The following SUGCT variants were observed in gnomAD, a reference collection of about 807,000 sequenced individuals.
SUGCT encodes succinyl-CoA:glutarate CoA-transferase.
SUGCT carries 41 observed loss-of-function variants against 55.0 expected under a neutral mutation model. That is an observed-to-expected ratio of 0.74 (90% CI 0.58 to 0.97). The LOEUF (loss-of-function observed/expected upper bound fraction) is 0.97. Ranked by LOEUF, SUGCT falls within the 50% of genes least tolerant of loss-of-function variation. SUGCT has a pLI of 0.00. For synonymous variants in SUGCT, 187 were observed against 200.4 expected, an observed-to-expected ratio of 0.93 and a Z score of 0.56; for missense variants, 568 against 547.8, an observed-to-expected ratio of 1.04 and a Z score of -0.37.
chr7:40,619,596 T>A (rs1373683431), intron 12 of SUGCT, among the ~76,000 whole-genome samples: 1 of 152,330 alleles, frequency 6.6e-6, no homozygotes, highest in Non-Finnish European at 1.5e-5. Flanking sequence ...TTGTTTGGGA[T>A]TTTTTAATAT....
chr7:40,266,184 C>CTTTT (rs1562627615), intron 7 of SUGCT, among the ~76,000 whole-genome samples: 1 of 24,208 alleles, frequency 4.1e-5, no homozygotes, highest in African/African-American at 1.9e-4. Flanking sequence ...TCTTTCCTTT[C>CTTTT]CTTTTTTTTT....
intron 12 of SUGCT, among the ~76,000 whole-genome samples, chr7:40,599,369 A>G (rs888691116): frequency 3.3e-5 from 5 of 152,192 alleles, no homozygotes; most frequent in African/African-American, 9.7e-5. Context: ...GGGAGGGTAG[A>G]TGATAGCCAT....
intron 9 of SUGCT, among the ~76,000 whole-genome samples, chr7:40,328,745 G>T (rs1163891127): frequency 1.3e-5 from 2 of 151,892 alleles, no homozygotes; most frequent in African/African-American, 4.8e-5. Flanking sequence ...GTGTGTATGT[G>T]TGTGCATGTG....
chr7:40,197,873 T>G (rs1786376532), intron 6 of SUGCT, among the ~76,000 whole-genome samples: 2 of 152,242 alleles, frequency 1.3e-5, no homozygotes, highest in African/African-American at 4.8e-5. Flanking sequence ...AGCCCACACT[T>G]CCTAATGATT....
chr7:40,624,360 CAGTAAT>C (rs1799416712), intron 12 of SUGCT, among the ~76,000 whole-genome samples: 1 of 152,104 alleles, frequency 6.6e-6, no homozygotes, highest in South Asian at 2.1e-4. Flanking sequence ...ATTAAAGTAA[CAGTAAT>C]AGTTAACACT....
At chr7:40,766,101 A>C (rs1159182855) in intron 13 of SUGCT, among the ~76,000 whole-genome samples, 2 of 152,222 alleles carry the variant, frequency 1.3e-5, no homozygotes, top group Non-Finnish European at 2.9e-5. Flanking sequence ...ATTCCAACAT[A>C]ATATAGTTGA....
the SUGCT span, among the ~76,000 whole-genome samples, chr7:40,893,043 C>A: frequency 2.0e-5 from 3 of 151,888 alleles, no homozygotes; most frequent in Admixed American, 1.3e-4. Flanking sequence ...TTATATCTGA[C>A]AAAATAGACT....
At chr7:40,213,339 A>G (rs765291219) in intron 6 of SUGCT, among the ~76,000 whole-genome samples, 1 of 152,124 alleles carries the variant, frequency 6.6e-6, no homozygotes, top group Non-Finnish European at 1.5e-5. Context: ...GAGACTTGTC[A>G]GATATTTTGT....
At chr7:40,767,049 G>A (rs986128459) in intron 13 of SUGCT, among the ~76,000 whole-genome samples, 7 of 152,172 alleles carry the variant, frequency 4.6e-5, no homozygotes, top group African/African-American at 1.2e-4. Context: ...GTTTAGATAT[G>A]TACTGTCTGG....
In SUGCT at chr7:40,400,203, G is replaced by A. The variant is rs181982003; in HGVS notation, c.817-49084G>A. Among the ~76,000 whole-genome samples, 11 of 152,008 alleles carry A rather than the reference G, an allele frequency of 7.2e-5. No individual in the cohort carries two copies. In the East Asian group the frequency reaches 2.1e-3, roughly 29 times the overall value. On this transcript the variant is annotated intron_variant, in intron 9 of 13. Coordinates refer to ENST00000335693, the MANE Select transcript of SUGCT (RefSeq NM_001193313.2). The stretch of plus-strand genomic sequence containing the variant: ...TCTTATCAATTGAGATGATAATATG[G>A]ATTTTCTTCTTTCTTCCTGTTAGTA...
chr7:40,501,218 A>T (rs1792265962), intron 12 of SUGCT, among the ~76,000 whole-genome samples: 1 of 152,204 alleles, frequency 6.6e-6, no homozygotes, highest in Non-Finnish European at 1.5e-5. Flanking sequence ...ACAAATTTAG[A>T]TACATCATAT....
chr7:40,420,332 TTTTTTGTTTTTG>T (rs893056541), intron 9 of SUGCT, among the ~76,000 whole-genome samples: 2 of 151,872 alleles, frequency 1.3e-5, no homozygotes, highest in Non-Finnish European at 2.9e-5. Context: ...GTTTTTTTTG[TTTTTTGTTTTTG>T]TTTTTGTTTT....
At chr7:40,370,140 C>T (rs560509690) in intron 9 of SUGCT, among the ~76,000 whole-genome samples, 1 of 152,286 alleles carries the variant, frequency 6.6e-6, no homozygotes, top group East Asian at 1.9e-4. Flanking sequence ...AGGGTCAGTT[C>T]TCACTGGCAA....
At chr7:40,332,641 A>G (rs1322222302) in intron 9 of SUGCT, among the ~76,000 whole-genome samples, 1 of 152,162 alleles carries the variant, frequency 6.6e-6, no homozygotes, top group African/African-American at 2.4e-5. Context: ...CAGGGAACAA[A>G]ACTTATAATA....
At chr7:40,587,517 T>C (rs1256921079) in intron 12 of SUGCT, among the ~76,000 whole-genome samples, 1 of 152,162 alleles carries the variant, frequency 6.6e-6, no homozygotes, top group African/African-American at 2.4e-5. Flanking sequence ...ATAAAAGTGA[T>C]GTGTGTGTGT....
intron 1 of SUGCT, among the ~76,000 whole-genome samples, chr7:40,150,870 CTAG>C (rs1788529363): frequency 6.6e-6 from 1 of 152,150 alleles, no homozygotes; most frequent in South Asian, 2.1e-4. Flanking sequence ...AGTTACATTC[CTAG>C]GCCTTAGCCA....
chr7:40,158,486 C>T (rs1009970674), intron 1 of SUGCT, among the ~76,000 whole-genome samples: 1 of 152,172 alleles, frequency 6.6e-6, no homozygotes, highest in African/African-American at 2.4e-5. Context: ...TGTGGTGGCT[C>T]ACGCCTGTAA....
chr7:40,749,491 G>C lies in SUGCT; in HGVS notation c.1147G>C (p.Val383Leu). The change falls in exon 13 of 14, where the codon GTC becomes CTC. Residue 383 changes from valine (V) to leucine (L), a missense_variant. By Grantham distance (32) the Val-to-Leu change is conservative. Coordinates refer to ENST00000335693, the MANE Select transcript of SUGCT (RefSeq NM_001193313.2). ...MEHPTVGKIS[V>L]PGPAVRYSKF... ...GCATCCAACTGTGGGGAAGATTTCC[G>C]TCCCAGGTCTGAAAAGTTTTGGTAT... is the stretch of plus-strand genomic sequence containing the variant. The C allele has an allele frequency of 1.2e-6, 2 of 1,613,328 alleles. No homozygotes were observed. The highest frequency in any genetic ancestry group is 2.2e-5 in the East Asian group (1 of 44,852).
chr7:40,802,350 C>A (rs1024115898), intron 13 of SUGCT, among the ~76,000 whole-genome samples: 2 of 151,962 alleles, frequency 1.3e-5, no homozygotes, highest in African/African-American at 2.4e-5. Flanking sequence ...CACACACAGT[C>A]ACCTTCAAGT....
Sources: gnomAD v4.1 joint callset for allele counts (sites outside exome capture counted in the v4.1 genomes callset) on GRCh38, gnomAD v4.1.1 for gene constraint, MANE v1.5 for transcripts, NCBI Gene and HGNC (gene_info 2026-07-23, HGNC 2026-07-21) for gene names.